The following REEP3 variants were observed in gnomAD, a reference collection of about 807,000 sequenced individuals.
The protein encoded by REEP3 is receptor accessory protein 3.
REEP3 carries 20 observed loss-of-function variants against 41.3 expected under a neutral mutation model. That is an observed-to-expected ratio of 0.48 (90% CI 0.34 to 0.70). The LOEUF is 0.70. Among genes scored for constraint, REEP3 ranks in the 30% least tolerant of loss-of-function variants. The probability of loss-of-function intolerance (pLI) is 0.01; values close to 1 mark genes in which losing one functional copy is unlikely to be tolerated. For missense variants in REEP3, 271 were observed against 308.8 expected (o/e 0.88, Z 0.92); for synonymous variants, 104 against 101.8 (o/e 1.02, Z -0.13).
intron 1 of REEP3, chr10:63,563,037 A>G (rs1041339403): frequency 2.2e-5 from 10 of 456,212 alleles, no homozygotes; most frequent in Non-Finnish European, 4.0e-5. Context: ...CTGAGGGGCC[A>G]TTATGTGAGG....
At chr10:63,600,685 G>T (rs1388349101) in intron 5 of REEP3, among the ~76,000 whole-genome samples, 1 of 152,062 alleles carries the variant, frequency 6.6e-6, no homozygotes, top group African/African-American at 2.4e-5. Flanking sequence ...AATTATCAAA[G>T]AAATAATACA....
intron 1 of REEP3, among the ~76,000 whole-genome samples, chr10:63,532,240 T>C (rs933867351): frequency 6.6e-6 from 1 of 152,208 alleles, no homozygotes; most frequent in Non-Finnish European, 1.5e-5. Flanking sequence ...GTAAAAGTCA[T>C]AGGACAAATC....
At chr10:63,594,925 C>G in intron 3 of REEP3, 71 bp downstream of exon 3, 2 of 949,376 alleles carry the variant, frequency 2.1e-6, no homozygotes, top group East Asian at 2.4e-5. Context: ...TTATCCTGCT[C>G]TTGCTATTAA....
chr10:63,588,625 T>A (rs892155600), intron 2 of REEP3, among the ~76,000 whole-genome samples: 9 of 152,168 alleles, frequency 5.9e-5, no homozygotes, highest in Non-Finnish European at 5.9e-5. Context: ...CAGGCACAGA[T>A]GATTCATCAG....
intron 5 of REEP3, chr10:63,599,708 T>A: frequency 1.0e-6 from 1 of 984,386 alleles, no homozygotes; most frequent in Non-Finnish European, 1.2e-6. Flanking sequence ...TTCAATCAAT[T>A]TGAGGTAACC....
chr10:63,592,893 AAAAAACAAAAAC>A (rs369043368), intron 2 of REEP3, among the ~76,000 whole-genome samples: 1 of 152,160 alleles, frequency 6.6e-6, no homozygotes, highest in Admixed American at 6.5e-5. Context: ...ACTCTGTCTC[AAAAAACAAAAAC>A]AAAAACAAAA....
chr10:63,577,992 A>G (rs1022521052), intron 2 of REEP3, among the ~76,000 whole-genome samples: 3 of 152,154 alleles, frequency 2.0e-5, no homozygotes, highest in Non-Finnish European at 4.4e-5. Flanking sequence ...GTGGAACTGA[A>G]TATGTATATT....
rs1388542261 is a variant in REEP3, at chr10:63,623,297, T to C, written c.*2428T>C. 1 of 152,246 alleles carries C rather than the reference T, an allele frequency of 6.6e-6. No individual in the cohort carries two copies. Among genetic ancestry groups the C allele is most frequent in the East Asian group, 1.9e-4 (1 of 5,202 alleles). The allele number at this position is 152,246 out of a possible 1,614,324, so 9.4% of individuals were successfully genotyped here. ...TGGTTCTTTTCCTGTACATGTGTTT[T>C]AGCGGGGCCCTTTTCTTTGAACTTT... On this transcript the variant is annotated 3_prime_UTR_variant, in exon 8 of 8. Coordinates refer to ENST00000373758, the MANE Select transcript of REEP3 (RefSeq NM_001001330.3).
intron 1 of REEP3, among the ~76,000 whole-genome samples, chr10:63,544,138 A>C (rs1955555790): frequency 1.3e-5 from 2 of 152,234 alleles, no homozygotes; most frequent in South Asian, 4.1e-4. Context: ...AAATATGCCA[A>C]GGCAGAAAAA....
intron 2 of REEP3, among the ~76,000 whole-genome samples, chr10:63,580,779 G>C (rs1357537919): frequency 6.6e-6 from 1 of 152,192 alleles, no homozygotes; most frequent in Non-Finnish European, 1.5e-5. Context: ...AGCACTTTGG[G>C]AGGCCAAGGC....
At chr10:63,543,850 G>T (rs577885367) in intron 1 of REEP3, among the ~76,000 whole-genome samples, 1 of 152,172 alleles carries the variant, frequency 6.6e-6, no homozygotes, top group East Asian at 1.9e-4. Context: ...AATGTGTACC[G>T]TGTGCCTGGC....
intron 3 of REEP3, among the ~76,000 whole-genome samples, 176 bp downstream of exon 3, chr10:63,595,030 A>G (rs899528552): frequency 6.6e-6 from 1 of 152,068 alleles, no homozygotes; most frequent in African/African-American, 2.4e-5. Context: ...GTCCCCATCA[A>G]ATAAAGGCAG....
chr10:63,608,066 G>C (rs1032915780), intron 5 of REEP3, among the ~76,000 whole-genome samples: 1 of 152,188 alleles, frequency 6.6e-6, no homozygotes, highest in African/African-American at 2.4e-5. Flanking sequence ...AAATTGCTGA[G>C]AGAAGGCACA....
chr10:63,556,614 G>GTTTT (rs77925970), intron 1 of REEP3, among the ~76,000 whole-genome samples: 1 of 12,868 alleles, frequency 7.8e-5, no homozygotes, highest in African/African-American at 2.0e-4. Flanking sequence ...CTGTTTGCTT[G>GTTTT]TTTTTTTTTT....
chr10:63,593,775 G>A (rs1000553458), intron 2 of REEP3, among the ~76,000 whole-genome samples: 1 of 152,134 alleles, frequency 6.6e-6, no homozygotes. Flanking sequence ...AGAGTGCCAG[G>A]GACCATTCAG....
At chr10:63,600,284 A>G (rs751910842) in intron 5 of REEP3, among the ~76,000 whole-genome samples, 2 of 152,202 alleles carry the variant, frequency 1.3e-5, no homozygotes, top group African/African-American at 2.4e-5. Flanking sequence ...TGACTCAAGT[A>G]TCAAAATGAA....
At chr10:63,550,959 G>A (rs1955623470) in intron 1 of REEP3, among the ~76,000 whole-genome samples, 1 of 152,002 alleles carries the variant, frequency 6.6e-6, no homozygotes, top group African/African-American at 2.4e-5. Context: ...AAAATCAAAA[G>A]GTAACAATAA....
intron 2 of REEP3, among the ~76,000 whole-genome samples, chr10:63,582,375 CTG>C (rs1321238514): frequency 1.8e-4 from 28 of 152,310 alleles, no homozygotes; most frequent in African/African-American, 6.5e-4. Flanking sequence ...ATCTATATAA[CTG>C]TTTGTAATCA....
intron 2 of REEP3, among the ~76,000 whole-genome samples, chr10:63,572,610 A>G (rs947661195): frequency 4.6e-5 from 7 of 151,656 alleles, no homozygotes; most frequent in Admixed American, 3.9e-4. Context: ...TCCTATCCAA[A>G]TTTTCTTTGT....
Sources: allele counts gnomAD v4.1 joint callset (sites outside exome capture counted in the v4.1 genomes callset), GRCh38; gene constraint gnomAD v4.1.1; transcripts MANE v1.5; gene names NCBI Gene and HGNC (gene_info 2026-07-23, HGNC 2026-07-21).